ZNF292: variants seen among roughly 807,000 people sequenced by gnomAD.
ZNF292 encodes the protein 16 zinc-finger domain protein.
Under a neutral mutation model 217.9 loss-of-function variants are expected in ZNF292, and 26 were observed. The observed-to-expected ratio is 0.12, with a 90% CI of 0.09 to 0.17. ZNF292 has a LOEUF of 0.17. ZNF292 is among the 10% of genes least tolerant of loss of function. The pLI is 1.00. For missense variants in ZNF292, 2,904 were observed against 3,175.2 expected, an observed-to-expected ratio of 0.91 and a Z score of 2.05; for synonymous variants, 1,257 against 1,124.1, an observed-to-expected ratio of 1.12 and a Z score of -2.37.
At chr6:87,212,284 A>G (rs778908659) in intron 1 of ZNF292, among the ~76,000 whole-genome samples, 1 of 152,212 alleles carries the variant, frequency 6.6e-6, no homozygotes, top group Non-Finnish European at 1.5e-5. Context: ...TTTCCAACTC[A>G]GAAGCTCTTA....
intron 1 of ZNF292, among the ~76,000 whole-genome samples, chr6:87,156,173 G>A (rs1770530422): frequency 6.6e-6 from 1 of 152,184 alleles, no homozygotes; most frequent in Admixed American, 6.5e-5. Flanking sequence ...ACTCCGACGG[G>A]CCTCCGCCCC....
At chr6:87,216,101 A>G (rs745593913) in intron 2 of ZNF292, 44 bp downstream of exon 2, 1 of 1,220,980 alleles carries the variant, frequency 8.2e-7, no homozygotes, top group South Asian at 1.5e-5. Flanking sequence ...AGCTTTAAAA[A>G]TACATAGACA....
intron 4 of ZNF292, among the ~76,000 whole-genome samples, chr6:87,230,515 C>T (rs1016001755): frequency 1.3e-5 from 2 of 152,056 alleles, no homozygotes; most frequent in Non-Finnish European, 2.9e-5. Context: ...GGGCGGATCA[C>T]GAGGTCAGGA....
rs144910149 is a variant in ZNF292, at chr6:87,219,274, A to G, written c.538+543A>G. 2.1e-3 allele frequency among the ~76,000 whole-genome samples: 327 copies of G among 152,298 alleles called. 1 individual carries two copies. The highest frequency in any genetic ancestry group is 7.4e-3 in the African/African-American group (309 of 41,560). On this transcript the variant is annotated intron_variant, in intron 4 of 7. Coordinates refer to ENST00000369577, the MANE Select transcript of ZNF292 (RefSeq NM_015021.3). ...TAATGTTTTTTAGAGTTTAAAATTT[A>G]TATAGACCCTGAAGAAAAGTACAGT...
At chr6:87,214,603 T>C (rs540591919) in intron 1 of ZNF292, among the ~76,000 whole-genome samples, 8 of 152,068 alleles carry the variant, frequency 5.3e-5, no homozygotes, top group African/African-American at 1.9e-4. Flanking sequence ...TAGTTGAGTA[T>C]CCCCCGACAC....
chr6:87,239,784 T>C (rs1383549194), intron 5 of ZNF292, among the ~76,000 whole-genome samples: 1 of 145,696 alleles, frequency 6.9e-6, no homozygotes, highest in African/African-American at 2.6e-5. Flanking sequence ...TCCCCACATC[T>C]CAGACAATGG....
chr6:87,156,222 G>A (rs1770533132), intron 1 of ZNF292, among the ~76,000 whole-genome samples: 1 of 152,052 alleles, frequency 6.6e-6, no homozygotes, highest in African/African-American at 2.4e-5. Context: ...GCTTTCATCC[G>A]TCCCGCCCCC....
chr6:87,187,306 T>C (rs187769865), intron 1 of ZNF292, among the ~76,000 whole-genome samples: 5 of 152,178 alleles, frequency 3.3e-5, no homozygotes, highest in Admixed American at 1.3e-4. Context: ...TCTGTACTCA[T>C]GATAAATATC....
Position 87,258,340 on chromosome 6 carries a change from C to G in ZNF292, c.4711C>G (p.Pro1571Ala). 4 of 1,613,582 alleles carry G rather than the reference C, an allele frequency of 2.5e-6. No individual in the cohort carries two copies. The highest frequency in any genetic ancestry group is 3.4e-6 in the Non-Finnish European group (4 of 1,179,756). Residue 1571 changes from proline to alanine, a missense_variant, in exon 8 of 8, where the codon CCA (proline) becomes GCA (alanine). Transcript: ENST00000369577. Reference sequence around the variant, plus strand: ...GGAATGTAGCAGCTTGCCTGTTTTTCCAACGAATGACTTACTACTGAAGAC... The same window carrying G: ...GGAATGTAGCAGCTTGCCTGTTTTTGCAACGAATGACTTACTACTGAAGAC... ...IEECSSLPVFPTNDLLLKTVE... is the reference protein window; with the variant it reads ...IEECSSLPVFATNDLLLKTVE...
At chr6:87,163,983 G>A (rs1433493314) in intron 1 of ZNF292, among the ~76,000 whole-genome samples, 1 of 152,202 alleles carries the variant, frequency 6.6e-6, no homozygotes, top group Non-Finnish European at 1.5e-5. Flanking sequence ...TTCTGAGTTT[G>A]AGGCATTGAA....
intron 1 of ZNF292, among the ~76,000 whole-genome samples, chr6:87,175,491 A>G (rs1771255890): frequency 6.6e-6 from 1 of 152,024 alleles, no homozygotes; most frequent in African/African-American, 2.4e-5. Flanking sequence ...CCACACCACC[A>G]TGCCTGGCTA....
intron 1 of ZNF292, among the ~76,000 whole-genome samples, chr6:87,197,886 A>G (rs1273156367): frequency 6.6e-6 from 1 of 152,228 alleles, no homozygotes; most frequent in African/African-American, 2.4e-5. Flanking sequence ...CTACAGTTAA[A>G]GGGATTTTCA....
At chr6:87,160,696 A>G (rs1245227006) in intron 1 of ZNF292, among the ~76,000 whole-genome samples, 3 of 151,812 alleles carry the variant, frequency 2.0e-5, no homozygotes, top group Non-Finnish European at 2.9e-5. Context: ...ATATATATAT[A>G]TATAATTTTC....
intron 1 of ZNF292, among the ~76,000 whole-genome samples, chr6:87,207,684 A>G (rs1271814814): frequency 6.6e-6 from 1 of 151,924 alleles, no homozygotes; most frequent in South Asian, 2.1e-4. Flanking sequence ...AAATTATTGT[A>G]TTTTTTTCTT....
intron 1 of ZNF292, among the ~76,000 whole-genome samples, chr6:87,210,837 G>A (rs4707349): frequency 0.27 from 41,212 of 151,910 alleles, 6,021 homozygotes; most frequent in Admixed American, 0.39. Flanking sequence ...CAGAGCCTGT[G>A]TCTGATCTCA....
At chr6:87,200,548 G>GAAA (rs899005488) in intron 1 of ZNF292, among the ~76,000 whole-genome samples, 1 of 152,140 alleles carries the variant, frequency 6.6e-6, no homozygotes, top group Non-Finnish European at 1.5e-5. Flanking sequence ...TTCCAAGATT[G>GAAA]AAACCCTTTG....
At chr6:87,220,989 C>G (rs1228157867) in intron 4 of ZNF292, among the ~76,000 whole-genome samples, 4 of 152,138 alleles carry the variant, frequency 2.6e-5, no homozygotes, top group Non-Finnish European at 4.4e-5. Flanking sequence ...GAGTATACCT[C>G]TATAGGTTAT....
intron 5 of ZNF292, 198 bp downstream of exon 5, chr6:87,233,725 C>T: frequency 2.4e-6 from 2 of 850,486 alleles, no homozygotes; most frequent in Non-Finnish European, 2.8e-6. Flanking sequence ...CACCTAGTTT[C>T]TGTTTTAAAT....
chr6:87,259,542 G>T lies in ZNF292; in HGVS notation c.5913G>T (p.Val1971=). The change falls in exon 8 of 8, where the codon GTG becomes GTT. Residue 1971 remains valine, a synonymous_variant. Coordinates refer to ENST00000369577, the MANE Select transcript of ZNF292 (RefSeq NM_015021.3). ...NSNLRAHCQL[V]HHFTTEEMVK... ...ACCTCCGGGCACACTGTCAGTTGGT[G>T]CATCATTTTACAACTGAAGAAATGG... The T allele has an allele frequency of 6.3e-7, 1 of 1,584,036 alleles. No homozygotes were observed. The highest frequency in any genetic ancestry group is 8.6e-7 in the Non-Finnish European group (1 of 1,163,954).
Sources: gnomAD v4.1 joint callset for allele counts (sites outside exome capture counted in the v4.1 genomes callset) on GRCh38, gnomAD v4.1.1 for gene constraint, MANE v1.5 for transcripts, NCBI Gene and HGNC (gene_info 2026-07-23, HGNC 2026-07-21) for gene names.